Variants in SIL1 observed in about 807,000 individuals in gnomAD.
SIL1 encodes the protein nucleotide exchange factor SIL1.
A neutral mutation model predicts 49.1 loss-of-function variants in SIL1; 40 were observed. That is an observed-to-expected ratio of 0.81 (90% CI 0.63 to 1.06). The LOEUF (loss-of-function observed/expected upper bound fraction) is 1.06. Among genes scored for constraint, SIL1 ranks in the 50% least tolerant of loss-of-function variants. The pLI, the probability that SIL1 is intolerant of heterozygous loss-of-function variation, is 0.00. For missense variants in SIL1, 500 were observed against 572.6 expected, an observed-to-expected ratio of 0.87 and a Z score of 1.29; for synonymous variants, 253 against 250.8, an observed-to-expected ratio of 1.01 and a Z score of -0.08.
At chr5:139,064,820 A>G (rs1285780085) in intron 3 of SIL1, among the ~76,000 whole-genome samples, 2 of 152,166 alleles carry the variant, frequency 1.3e-5, no homozygotes, top group Non-Finnish European at 2.9e-5. Flanking sequence ...TGAGCAAATA[A>G]CACCTATGAC....
At chr5:139,050,821 T>C (rs931386623) in intron 4 of SIL1, 117 bp downstream of exon 4, 86 of 841,022 alleles carry the variant, frequency 1.0e-4, no homozygotes, top group Middle Eastern at 8.8e-4. Context: ...TCACAAATTC[T>C]ATGCTATTAA....
At chr5:139,155,071 A>C (rs1751381243) in intron 1 of SIL1, among the ~76,000 whole-genome samples, 1 of 152,254 alleles carries the variant, frequency 6.6e-6, no homozygotes, top group African/African-American at 2.4e-5. Context: ...GATAGCTAAC[A>C]GATACTAAAT....
At chr5:139,043,733 A>G (rs529120059) in intron 4 of SIL1, among the ~76,000 whole-genome samples, 2 of 152,366 alleles carry the variant, frequency 1.3e-5, no homozygotes, top group East Asian at 3.9e-4. Context: ...TCTTGACCAG[A>G]GAGAGGACAT....
At chr5:139,166,760 T>C (rs1751632114) in intron 1 of SIL1, among the ~76,000 whole-genome samples, 1 of 152,114 alleles carries the variant, frequency 6.6e-6, no homozygotes, top group Non-Finnish European at 1.5e-5. Context: ...TTTTCCCACC[T>C]CATCCTCCTA....
At chr5:138,957,475 T>C (rs1407083490) in intron 7 of SIL1, among the ~76,000 whole-genome samples, 1 of 149,890 alleles carries the variant, frequency 6.7e-6, no homozygotes, top group African/African-American at 2.5e-5. Context: ...TCCCAGCTAC[T>C]CGGGAGGCTG....
intron 3 of SIL1, among the ~76,000 whole-genome samples, chr5:139,066,645 T>A (rs145788372): frequency 1.2e-4 from 19 of 152,350 alleles, no homozygotes; most frequent in African/African-American, 4.6e-4. Flanking sequence ...CCATCTACTA[T>A]GTGCCAGGTT....
intron 1 of SIL1, among the ~76,000 whole-genome samples, chr5:139,150,806 A>G (rs1349725366): frequency 6.6e-6 from 1 of 152,126 alleles, no homozygotes; most frequent in African/African-American, 2.4e-5. Flanking sequence ...GGAAATGTCA[A>G]CACTTTGGGA....
intron 7 of SIL1, among the ~76,000 whole-genome samples, chr5:138,969,624 C>T (rs1767228509): frequency 6.6e-6 from 1 of 152,222 alleles, no homozygotes; most frequent in Non-Finnish European, 1.5e-5. Context: ...GAGGAGATGG[C>T]ACAGAGCCAC....
chr5:139,001,902 TAA>T (rs1404882565), intron 7 of SIL1, among the ~76,000 whole-genome samples: 1 of 137,556 alleles, frequency 7.3e-6, no homozygotes, highest in Non-Finnish European at 1.6e-5. Context: ...AGACTCCGTC[TAA>T]AAAAAAAAAA....
intron 2 of SIL1, among the ~76,000 whole-genome samples, chr5:139,125,810 C>T (rs1750740301): frequency 6.6e-6 from 1 of 152,196 alleles, no homozygotes; most frequent in Non-Finnish European, 1.5e-5. Flanking sequence ...TTGTTTACCA[C>T]CTTTTTCAAG....
At position 139,164,116 on chromosome 5, in the gene SIL1, CAAAA is replaced by C. The variant is rs397999400; in HGVS notation, c.-11+34149_-11+34152del. On this transcript the variant is annotated intron_variant, in intron 1 of 9. Coordinates refer to ENST00000394817, the MANE Select transcript of SIL1 (RefSeq NM_022464.5). ...CCTGGGCAACAACAAGAGAATGTCT[CAAAA>C]AAAAAAAAAAAAAGATATTATCATC... 9.6e-5 allele frequency among the ~76,000 whole-genome samples: 11 copies of C among 114,652 alleles called. No individual in the cohort carries two copies. In the East Asian group the frequency reaches 3.1e-3, roughly 32 times the overall value. 75.2% of individuals were successfully genotyped at this position (114,652 alleles called of 152,430 possible).
At chr5:139,152,882 G>A (rs1046396403) in intron 1 of SIL1, among the ~76,000 whole-genome samples, 4 of 152,108 alleles carry the variant, frequency 2.6e-5, no homozygotes, top group African/African-American at 7.2e-5. Flanking sequence ...GCAATGGCGC[G>A]ATCTCAGCTC....
chr5:139,097,727 C>T (rs1476015216), intron 3 of SIL1, among the ~76,000 whole-genome samples: 3 of 152,060 alleles, frequency 2.0e-5, no homozygotes, highest in African/African-American at 7.2e-5. Flanking sequence ...CTGCCCACCT[C>T]GGCCTCCCAA....
chr5:139,114,429 C>T (rs3948357), intron 3 of SIL1, among the ~76,000 whole-genome samples: 1 of 152,154 alleles, frequency 6.6e-6, no homozygotes, highest in Non-Finnish European at 1.5e-5. Context: ...ATCTTTTTTT[C>T]TCTCCCAGTA....
chr5:139,184,347 T>C (rs1232997986), intron 1 of SIL1, among the ~76,000 whole-genome samples: 1 of 152,168 alleles, frequency 6.6e-6, no homozygotes, highest in Non-Finnish European at 1.5e-5. Context: ...ATTTAGACTC[T>C]CCGAGCCTCA....
chr5:139,034,412 C>T (rs559943043), intron 5 of SIL1: 1 of 152,028 alleles, frequency 6.6e-6, no homozygotes, highest in East Asian at 1.9e-4. Context: ...GTTCCTGTTT[C>T]CCATTTCTCA....
intron 3 of SIL1, among the ~76,000 whole-genome samples, chr5:139,112,110 G>A (rs1770863612): frequency 6.6e-6 from 1 of 152,240 alleles, no homozygotes; most frequent in Non-Finnish European, 1.5e-5. Flanking sequence ...GCCTCCCGAG[G>A]TGCCGGGATT....
intron 4 of SIL1, among the ~76,000 whole-genome samples, chr5:139,048,608 G>GA (rs1468294479): frequency 4.6e-5 from 7 of 151,906 alleles, no homozygotes; most frequent in Non-Finnish European, 8.8e-5. Flanking sequence ...AGGCTCAAAC[G>GA]ATCCACCCGC....
At chr5:139,148,688 A>G (rs1751237982) in intron 1 of SIL1, among the ~76,000 whole-genome samples, 1 of 152,188 alleles carries the variant, frequency 6.6e-6, no homozygotes, top group South Asian at 2.1e-4. Flanking sequence ...TAAGAGCAAC[A>G]AGGGTGTGAG....
Sources: allele counts gnomAD v4.1 joint callset (sites outside exome capture counted in the v4.1 genomes callset), GRCh38; gene constraint gnomAD v4.1.1; transcripts MANE v1.5; gene names NCBI Gene and HGNC (gene_info 2026-07-23, HGNC 2026-07-21).